Variants in SOX6 observed in about 807,000 individuals in gnomAD.
SOX6 encodes SRY-box transcription factor 6.
In SOX6, 11 loss-of-function variants were observed where a neutral mutation model predicts 97.8. That is an observed-to-expected ratio of 0.11 (90% confidence interval 0.07 to 0.19). The LOEUF is 0.19. Ranked by LOEUF, SOX6 falls within the 10% of genes least tolerant of loss-of-function variation. The probability of loss-of-function intolerance (pLI) is 1.00; values close to 1 mark genes in which losing one functional copy is unlikely to be tolerated. For missense variants in SOX6, 810 were observed against 1,039.5 expected, an observed-to-expected ratio of 0.78 and a Z score of 3.04; for synonymous variants, 360 against 371.4, an observed-to-expected ratio of 0.97 and a Z score of 0.35.
intron 1 of SOX6, among the ~76,000 whole-genome samples, chr11:16,343,737 G>A (rs909867404): frequency 3.3e-5 from 5 of 151,828 alleles, no homozygotes; most frequent in Non-Finnish European, 7.4e-5. Flanking sequence ...GAAATTACAC[G>A]CTGAATACAA....
chr11:16,352,480 A>T (rs1266007759), intron 1 of SOX6, among the ~76,000 whole-genome samples: 1 of 152,152 alleles, frequency 6.6e-6, no homozygotes, highest in Non-Finnish European at 1.5e-5. Context: ...TAAGAAAGCC[A>T]AGGCACAAAA....
chr11:16,318,168 C>A (rs575232356), intron 3 of SOX6: 38 of 453,850 alleles, frequency 8.4e-5, no homozygotes, highest in African/African-American at 7.1e-4. Context: ...TCTCTTGTTA[C>A]CTTTTTCCAG....
chr11:16,685,256 C>T (rs955691882), intron 3 of SOX6, among the ~76,000 whole-genome samples: 7 of 152,138 alleles, frequency 4.6e-5, no homozygotes, highest in African/African-American at 1.4e-4. Flanking sequence ...ATTAGTCCCC[C>T]AAAGTCTTAA....
chr11:16,714,554 C>G (rs1040172033), intron 3 of SOX6, among the ~76,000 whole-genome samples: 3 of 149,076 alleles, frequency 2.0e-5, no homozygotes, highest in Admixed American at 6.7e-5. Flanking sequence ...CGGGTTCAAG[C>G]AATTCTCCTG....
chr11:16,466,141 T>C (rs775890374), intron 1 of SOX6, among the ~76,000 whole-genome samples: 4 of 152,248 alleles, frequency 2.6e-5, no homozygotes, highest in Non-Finnish European at 4.4e-5. Flanking sequence ...GCAATAAATA[T>C]GTAAGTCATA....
At chr11:16,204,404 A>G (rs1852018422) in intron 4 of SOX6, among the ~76,000 whole-genome samples, 1 of 151,972 alleles carries the variant, frequency 6.6e-6, no homozygotes, top group African/African-American at 2.4e-5. Flanking sequence ...GACCTGGAGG[A>G]AGGGAGAGGA....
intron 1 of SOX6, among the ~76,000 whole-genome samples, chr11:16,424,875 G>A (rs1859093972): frequency 6.6e-6 from 1 of 152,210 alleles, no homozygotes; most frequent in Non-Finnish European, 1.5e-5. Flanking sequence ...AGGAAGGGGA[G>A]TTGGTGAGTG....
At chr11:16,034,411 C>T (rs1330620320) in intron 12 of SOX6, among the ~76,000 whole-genome samples, 6 of 152,158 alleles carry the variant, frequency 3.9e-5, no homozygotes, top group Non-Finnish European at 8.8e-5. Context: ...GAAGACAGCA[C>T]TTTGGGAAAT....
chr11:16,701,986 A>T (rs1025835457), intron 3 of SOX6, among the ~76,000 whole-genome samples: 2 of 152,220 alleles, frequency 1.3e-5, no homozygotes, highest in Non-Finnish European at 2.9e-5. Flanking sequence ...TGGGAAGAAG[A>T]ATCGGCACTC....
chr11:16,367,979 A>G (rs1857400036), intron 1 of SOX6, among the ~76,000 whole-genome samples: 1 of 152,162 alleles, frequency 6.6e-6, no homozygotes, highest in Admixed American at 6.6e-5. Flanking sequence ...CATAGTTATA[A>G]CAAAACATTA....
intron 4 of SOX6, among the ~76,000 whole-genome samples, chr11:16,583,157 T>C (rs1299777637): frequency 6.6e-6 from 1 of 151,988 alleles, no homozygotes; most frequent in Admixed American, 6.6e-5. Flanking sequence ...TTTGCATTAT[T>C]TTTCAACTGA....
intron 15 of SOX6, among the ~76,000 whole-genome samples, chr11:15,973,818 T>A (rs1590099724): frequency 1.3e-5 from 2 of 152,214 alleles, no homozygotes; most frequent in Admixed American, 1.3e-4. Flanking sequence ...AGACACCAGA[T>A]ACGCTGCCTC....
chr11:16,270,167 A>C (rs1416413442), intron 3 of SOX6: 2 of 151,404 alleles, frequency 1.3e-5, no homozygotes, highest in Non-Finnish European at 3.0e-5. Flanking sequence ...CCAATTTTAA[A>C]ATGGGCAAAG....
chr11:16,044,419 A>AATCC (rs1312477728), intron 12 of SOX6, among the ~76,000 whole-genome samples: 1 of 152,176 alleles, frequency 6.6e-6, no homozygotes, highest in Non-Finnish European at 1.5e-5. Context: ...AGTTAAACTG[A>AATCC]ATTTGTCATA....
upstream of SOX6, among the ~76,000 whole-genome samples, chr11:16,480,649 C>A (rs114031005): frequency 0.22 from 33,325 of 151,260 alleles, 4,171 homozygotes; most frequent in East Asian, 0.51. Context: ...TTAGTAACCC[C>A]CCCCCCACCT....
At chr11:16,079,761 CACTTTTT>C in intron 9 of SOX6, among the ~76,000 whole-genome samples, 1 of 152,198 alleles carries the variant, frequency 6.6e-6, no homozygotes, top group South Asian at 2.1e-4. Context: ...TACTAACCAT[CACTTTTT>C]AAACTGCAAA....
At chr11:16,533,939 GT>G (rs1455517917) in intron 4 of SOX6, among the ~76,000 whole-genome samples, 8 of 152,200 alleles carry the variant, frequency 5.3e-5, no homozygotes, top group Non-Finnish European at 1.5e-5. Flanking sequence ...TTGAGCACAT[GT>G]TTTTGTCTTG....
chr11:16,515,918 G>A (rs1860963739), intron 4 of SOX6, among the ~76,000 whole-genome samples: 2 of 146,072 alleles, frequency 1.4e-5, no homozygotes, highest in African/African-American at 2.5e-5. Flanking sequence ...TCTCTGTTTT[G>A]GTACCAGTAC....
At chr11:16,378,227 T>A (rs1429811590) in intron 1 of SOX6, among the ~76,000 whole-genome samples, 1 of 152,172 alleles carries the variant, frequency 6.6e-6, no homozygotes, top group Non-Finnish European at 1.5e-5. Context: ...TAAAAATGTG[T>A]CCTTAAAGTA....
Sources: gnomAD v4.1 joint callset for allele counts (sites outside exome capture counted in the v4.1 genomes callset) on GRCh38, gnomAD v4.1.1 for gene constraint, MANE v1.5 for transcripts, NCBI Gene and HGNC (gene_info 2026-07-23, HGNC 2026-07-21) for gene names.